Variants in CAMK1D observed in about 807,000 individuals in gnomAD.
CAMK1D encodes calcium/calmodulin dependent protein kinase ID, also known as calcium/calmodulin-dependent protein kinase type 1D.
CAMK1D carries 9 observed loss-of-function variants against 47.7 expected under a neutral mutation model. The ratio of observed to expected loss-of-function variants is 0.19; its 90% CI spans 0.11 to 0.33. The LOEUF (loss-of-function observed/expected upper bound fraction) is 0.33. Ranked by LOEUF, CAMK1D falls within the 10% of genes least tolerant of loss-of-function variation. The pLI, the probability that CAMK1D is intolerant of heterozygous loss-of-function variation, is 1.00. For missense variants in CAMK1D, 291 were observed against 488.7 expected (o/e 0.60, Z 3.81); for synonymous variants, 184 against 184.9 (o/e 0.99, Z 0.04).
chr10:12,647,692 A>G (rs1259843567), intron 2 of CAMK1D, among the ~76,000 whole-genome samples: 1 of 152,208 alleles, frequency 6.6e-6, no homozygotes, highest in Non-Finnish European at 1.5e-5. Flanking sequence ...TGTCCTGGCC[A>G]TGAGCCAGCC....
intron 1 of CAMK1D, among the ~76,000 whole-genome samples, chr10:12,420,286 T>A (rs1006363533): frequency 6.6e-6 from 1 of 152,212 alleles, no homozygotes; most frequent in Non-Finnish European, 1.5e-5. Context: ...AAAAATACGG[T>A]ATTTTAGTGA....
intron 2 of CAMK1D, among the ~76,000 whole-genome samples, chr10:12,588,879 TGTGTGCGTGC>T (rs61242074): frequency 0.017 from 2,522 of 145,284 alleles, 76 homozygotes; most frequent in African/African-American, 0.065. Flanking sequence ...TGTGTGTGTG[TGTGTGCGTGC>T]GTGTGTGTGT....
At chr10:12,568,596 T>C (rs972138379) in intron 2 of CAMK1D, among the ~76,000 whole-genome samples, 2 of 142,174 alleles carry the variant, frequency 1.4e-5, no homozygotes, top group Non-Finnish European at 3.1e-5. Flanking sequence ...AGCCTTTTTC[T>C]TTTTCAGTAT....
intron 2 of CAMK1D, among the ~76,000 whole-genome samples, chr10:12,618,908 G>A (rs1016156118): frequency 4.6e-5 from 7 of 152,286 alleles, no homozygotes; most frequent in African/African-American, 1.7e-4. Flanking sequence ...TAAAGAAAAG[G>A]CAGTTCAGAG....
At chr10:12,821,193 C>G (rs1190920006) in intron 8 of CAMK1D, among the ~76,000 whole-genome samples, 1 of 152,160 alleles carries the variant, frequency 6.6e-6, no homozygotes, top group Non-Finnish European at 1.5e-5. Context: ...TGAGGGCCGT[C>G]GACTGATTGA....
At chr10:12,789,513 A>G (rs750295465) in intron 5 of CAMK1D, among the ~76,000 whole-genome samples, 3 of 152,192 alleles carry the variant, frequency 2.0e-5, no homozygotes, top group East Asian at 1.9e-4. Context: ...GGTGCACTTC[A>G]TGGTAGTTGT....
chr10:12,535,795 G>A (rs1209560502), intron 1 of CAMK1D, among the ~76,000 whole-genome samples: 1 of 152,140 alleles, frequency 6.6e-6, no homozygotes, highest in Non-Finnish European at 1.5e-5. Context: ...CCTCATCCAT[G>A]CAGTTACTGT....
chr10:12,682,075 G>C (rs995430323), intron 3 of CAMK1D, among the ~76,000 whole-genome samples: 2 of 152,098 alleles, frequency 1.3e-5, no homozygotes, highest in African/African-American at 4.8e-5. Context: ...AAAACATTAG[G>C]CAGGCGTGGT....
chr10:12,388,879 C>T (rs192678849), intron 1 of CAMK1D, among the ~76,000 whole-genome samples: 3 of 152,278 alleles, frequency 2.0e-5, no homozygotes, highest in Non-Finnish European at 4.4e-5. Flanking sequence ...GGAGGCACGT[C>T]GTGCTGTTCT....
chr10:12,614,942 G>A (rs1838737580), intron 2 of CAMK1D, among the ~76,000 whole-genome samples: 1 of 152,190 alleles, frequency 6.6e-6, no homozygotes. Flanking sequence ...ACCCAGTGTG[G>A]CCCAGCAAGC....
intron 1 of CAMK1D, among the ~76,000 whole-genome samples, chr10:12,373,956 CAAA>C (rs35008954): frequency 3.4e-3 from 289 of 86,110 alleles, no homozygotes; most frequent in Middle Eastern, 9.4e-3. Flanking sequence ...CACTCTTTAT[CAAA>C]AAAAAAAAAA....
chr10:12,814,065 C>G, intron 6 of CAMK1D, 130 bp from the exon 7 acceptor site: 1 of 604,924 alleles, frequency 1.7e-6, no homozygotes, highest in Non-Finnish European at 3.0e-6. Flanking sequence ...CTGGGATTAC[C>G]TGCGTGAGCC....
chr10:12,616,502 T>A (rs1246236399), intron 2 of CAMK1D, among the ~76,000 whole-genome samples: 3 of 84,286 alleles, frequency 3.6e-5, no homozygotes, highest in Non-Finnish European at 9.6e-5. Context: ...TTTTTGTTTG[T>A]TTGTTTTTTG....
chr10:12,609,662 G>A (rs761031926), intron 2 of CAMK1D, among the ~76,000 whole-genome samples: 30 of 152,284 alleles, frequency 2.0e-4, no homozygotes, highest in South Asian at 4.1e-4. Flanking sequence ...GAGCTCAGGC[G>A]GTGATGCGGG....
intron 1 of CAMK1D, among the ~76,000 whole-genome samples, chr10:12,522,380 T>G (rs1835449664): frequency 9.3e-6 from 1 of 106,980 alleles, no homozygotes; most frequent in Admixed American, 8.9e-5. Context: ...GTACTTAAGA[T>G]TAGGGAGTGG....
chr10:12,699,464 T>C (rs1365339056), intron 3 of CAMK1D, among the ~76,000 whole-genome samples: 1 of 152,176 alleles, frequency 6.6e-6, no homozygotes, highest in African/African-American at 2.4e-5. Context: ...AAATTTCCGT[T>C]GAGATCTCTG....
intron 1 of CAMK1D, among the ~76,000 whole-genome samples, chr10:12,389,238 A>G (rs1838633188): frequency 6.6e-6 from 1 of 151,996 alleles, no homozygotes; most frequent in South Asian, 2.1e-4. Context: ...GAGGGGGCTG[A>G]GGGGCTTGGG....
At chr10:12,516,196 G>A (rs1564384515) in intron 1 of CAMK1D, among the ~76,000 whole-genome samples, 2 of 152,128 alleles carry the variant, frequency 1.3e-5, no homozygotes, top group South Asian at 4.1e-4. Context: ...TGCAAGCTCT[G>A]CCTCCTGGGT....
rs1323454790 is a variant in CAMK1D, at chr10:12,667,615, A to C, written c.299+805A>C. Among the ~76,000 whole-genome samples the C allele has an allele frequency of 3.9e-5, 6 of 152,252 alleles. No individual in the cohort carries two copies. In the East Asian group the frequency reaches 7.7e-4, roughly 19 times the overall value. ...TGCTTTAACCATTACCTGAATAAATAAATGCTGGAACATCATAAGATTAAG... is the reference window on the plus strand; with the variant it reads ...TGCTTTAACCATTACCTGAATAAATCAATGCTGGAACATCATAAGATTAAG... On this transcript the variant is annotated intron_variant, in intron 3 of 10. Coordinates refer to ENST00000619168, the MANE Select transcript of CAMK1D (RefSeq NM_153498.4).
Sources: allele counts gnomAD v4.1 joint callset (sites outside exome capture counted in the v4.1 genomes callset), GRCh38; gene constraint gnomAD v4.1.1; transcripts MANE v1.5; gene names NCBI Gene and HGNC (gene_info 2026-07-23, HGNC 2026-07-21).